SLIT3: variants seen among roughly 807,000 people sequenced by gnomAD.
The protein encoded by SLIT3 is slit homolog 3 protein.
In SLIT3, 68 loss-of-function variants were observed where a neutral mutation model predicts 184.0. The observed-to-expected ratio is 0.37, with a 90% CI of 0.30 to 0.45. The LOEUF is 0.45. SLIT3 is among the 20% of genes least tolerant of loss of function. The pLI is 1.00. For synonymous variants in SLIT3, 831 were observed against 828.6 expected (o/e 1.00, Z -0.05); for missense variants, 1,707 against 2,026.0 (o/e 0.84, Z 3.02).
intron 4 of SLIT3, among the ~76,000 whole-genome samples, chr5:169,034,926 T>G (rs1757176830): frequency 6.8e-6 from 1 of 146,694 alleles, no homozygotes; most frequent in Non-Finnish European, 1.5e-5. Flanking sequence ...TGTGTGTGTG[T>G]GTGTGTGTGT....
At chr5:169,058,758 T>G (rs1758088863) in intron 4 of SLIT3, among the ~76,000 whole-genome samples, 1 of 152,202 alleles carries the variant, frequency 6.6e-6, no homozygotes, top group Non-Finnish European at 1.5e-5. Context: ...ATACCACACC[T>G]TGGTAAGTAA....
chr5:168,713,592 A>G (rs143242696), intron 23 of SLIT3, among the ~76,000 whole-genome samples: 24 of 152,378 alleles, frequency 1.6e-4, no homozygotes, highest in Non-Finnish European at 2.9e-4. Context: ...AGTGAGTCCT[A>G]GTAGAACAAA....
At chr5:169,082,871 T>G (rs193189880) in intron 4 of SLIT3, among the ~76,000 whole-genome samples, 1 of 152,364 alleles carries the variant, frequency 6.6e-6, no homozygotes, top group Admixed American at 6.5e-5. Flanking sequence ...CTGCTCCTTC[T>G]CTGCCTCAAT....
chr5:168,795,317 C>T (rs570014883), intron 10 of SLIT3, among the ~76,000 whole-genome samples, 190 bp downstream of exon 10: 1 of 152,342 alleles, frequency 6.6e-6, no homozygotes, highest in African/African-American at 2.4e-5. Flanking sequence ...CAAGCCCACA[C>T]ACCTCACAAT....
intron 8 of SLIT3, among the ~76,000 whole-genome samples, chr5:168,808,769 C>T (rs1041977763): frequency 3.3e-5 from 5 of 152,162 alleles, no homozygotes; most frequent in South Asian, 2.1e-4. Context: ...GGGAATTCTA[C>T]GGTGTGAAAG....
At chr5:168,848,335 T>C (rs1729287311) in intron 5 of SLIT3, among the ~76,000 whole-genome samples, 1 of 152,228 alleles carries the variant, frequency 6.6e-6, no homozygotes, top group Non-Finnish European at 1.5e-5. Context: ...CCCTGCTTCT[T>C]GTCTTTCTGA....
chr5:168,860,458 G>A (rs1448892118), intron 5 of SLIT3, among the ~76,000 whole-genome samples: 4 of 152,030 alleles, frequency 2.6e-5, no homozygotes, highest in Non-Finnish European at 4.4e-5. Flanking sequence ...GGAGTCCCAG[G>A]GATTTAGGGG....
At position 168,810,532 on chromosome 5, in the gene SLIT3, T is replaced by C. The variant is rs187593680; in HGVS notation, c.794-3945A>G. Among the ~76,000 whole-genome samples the C allele has an allele frequency of 3.3e-5, 5 of 152,328 alleles. No individual in the cohort carries two copies. In the East Asian group the frequency reaches 7.7e-4, roughly 24 times the overall value. ...TGGAGCTCTTTCAGTGGCACTAAAA[T>C]GCTGCTCTGCTGGGGTGGATTTCTT... On this transcript the variant is annotated intron_variant, in intron 8 of 35. Coordinates refer to ENST00000519560, the MANE Select transcript of SLIT3 (RefSeq NM_003062.4).
At chr5:169,029,834 A>C (rs571917027) in intron 4 of SLIT3, among the ~76,000 whole-genome samples, 2 of 152,288 alleles carry the variant, frequency 1.3e-5, no homozygotes, top group Non-Finnish European at 2.9e-5. Context: ...AATCCACTGT[A>C]ATTTAGGGGC....
At chr5:169,231,367 C>T (rs10043015) in intron 3 of SLIT3, among the ~76,000 whole-genome samples, 99,101 of 151,670 alleles carry the variant, frequency 0.65, 32,736 homozygotes, top group Non-Finnish European at 0.7. Flanking sequence ...CCTCTCCATT[C>T]GCAACTCCCC....
Position 168,700,664 on chromosome 5 carries a change from C to T in SLIT3, c.2860G>A (p.Val954Met), listed in dbSNP as rs368820028. The T allele has an allele frequency of 5.0e-6, 8 of 1,613,862 alleles. No individual in the cohort carries two copies. The African/African-American group carries it at 8.0e-5, about 16-fold the overall frequency. ...TTCTGGATGCAGGTGTTGATGGGCA[C>T]AGTGCAGTCCTTGCCCTGAGGAGCA... is the stretch of plus-strand genomic sequence containing the variant. Reference protein sequence around the residue: ...PYSYKGKDCTVPINTCIQNPC... With the variant: ...PYSYKGKDCTMPINTCIQNPC... The change falls in exon 27 of 36, where the codon GTG (valine) becomes ATG (methionine). Residue 954 changes from valine to methionine, a missense_variant. Coordinates refer to ENST00000519560, the MANE Select transcript of SLIT3 (RefSeq NM_003062.4).
intron 29 of SLIT3, among the ~76,000 whole-genome samples, chr5:168,687,711 A>T (rs1761788206): frequency 6.6e-6 from 1 of 152,254 alleles, no homozygotes; most frequent in South Asian, 2.1e-4. Context: ...GTTGCTTTAA[A>T]AATGATATGA....
At chr5:169,230,468 A>G (rs78201560) in intron 3 of SLIT3, among the ~76,000 whole-genome samples, 169 of 152,338 alleles carry the variant, frequency 1.1e-3, no homozygotes, top group Admixed American at 4.7e-3. Context: ...TGCCACACAT[A>G]TGCATTTAAA....
chr5:169,185,689 G>A (rs367846099), intron 4 of SLIT3, among the ~76,000 whole-genome samples: 111 of 152,334 alleles, frequency 7.3e-4, no homozygotes, highest in African/African-American at 2.6e-3. Context: ...AGGGCTCTGT[G>A]AGTAGCAGAA....
chr5:168,761,882 G>A (rs1755161754), intron 15 of SLIT3, among the ~76,000 whole-genome samples: 1 of 150,468 alleles, frequency 6.6e-6, no homozygotes, highest in South Asian at 2.1e-4. Flanking sequence ...GAGACCACAG[G>A]TGCATGCCAC....
rs140558142 is a variant in SLIT3 at position 168,736,056 on chromosome 5, A to T, written c.2271-11572T>A. ...TTACTTTCCTGGGAAATCCCCCTCT[A>T]CTCCTGGTGTGAAATGCCTGATCTG... On this transcript the variant is annotated intron_variant, in intron 20 of 35. Coordinates refer to ENST00000519560, the MANE Select transcript of SLIT3 (RefSeq NM_003062.4). Among the ~76,000 whole-genome samples, 120 of 150,734 alleles carry T rather than the reference A, an allele frequency of 8.0e-4. 1 individual carries two copies. Among genetic ancestry groups the T allele is most frequent in the African/African-American group, 2.8e-3 (116 of 40,994 alleles).
rs758157407 is a variant in SLIT3, at chr5:168,724,458, G to C, written c.2297C>G (p.Ala766Gly). 1 of 1,613,146 alleles carries C rather than the reference G, an allele frequency of 6.2e-7. No homozygotes were observed. The highest frequency in any genetic ancestry group is 1.1e-5 in the South Asian group (1 of 91,022). Residue 766 changes from alanine to glycine, a missense_variant, in exon 21 of 36, where the codon GCC (alanine) becomes GGC (glycine). Ala to Gly is a moderately conservative substitution (Grantham distance 60). Transcript: ENST00000519560. ...ELYLEGNHLT[A>G]VPRELSALRH... ...GAGGGCGGACAGCTCTCTGGGCACG[G>C]CTGTTAGGTGGTTTCCTTCCAGGTA...
chr5:168,808,237 C>T (rs1221970911), intron 8 of SLIT3, among the ~76,000 whole-genome samples: 2 of 152,062 alleles, frequency 1.3e-5, no homozygotes, highest in African/African-American at 4.8e-5. Flanking sequence ...AGTGGTGATG[C>T]TGGCCTTGTT....
chr5:168,943,708 A>G (rs1581232406), intron 4 of SLIT3, among the ~76,000 whole-genome samples: 2 of 152,354 alleles, frequency 1.3e-5, no homozygotes, highest in East Asian at 1.9e-4. Context: ...CACTCTCTCT[A>G]TATGTGCACA....
Sources: allele counts gnomAD v4.1 joint callset (sites outside exome capture counted in the v4.1 genomes callset), GRCh38; gene constraint gnomAD v4.1.1; transcripts MANE v1.5; gene names NCBI Gene and HGNC (gene_info 2026-07-23, HGNC 2026-07-21).